CABIN1: variants seen among roughly 807,000 people sequenced by gnomAD.
CABIN1 encodes calcineurin-binding protein cabin-1.
CABIN1 carries 133 observed loss-of-function variants against 227.7 expected under a neutral mutation model. The ratio of observed to expected loss-of-function variants is 0.58; its 90% CI spans 0.51 to 0.67. The LOEUF (loss-of-function observed/expected upper bound fraction) is 0.67, where lower values mean the gene tolerates loss of function less well. Ranked by LOEUF, CABIN1 falls within the 30% of genes least tolerant of loss-of-function variation. The pLI is 0.00. For synonymous variants in CABIN1, 1,086 were observed against 1,155.1 expected (o/e 0.94, Z 1.21); for missense variants, 2,408 against 2,852.5 (o/e 0.84, Z 3.55).
In CABIN1 at chr22:24,177,019, C is replaced by G. The variant is rs771864601; in HGVS notation, c.6206-485C>G. ...CTGCAACTGGCCCAGCCTTCAGGCTCTGGGCAAACTCAGCCCCTTGCTCCC... is the reference window on the plus strand; with the variant it reads ...CTGCAACTGGCCCAGCCTTCAGGCTGTGGGCAAACTCAGCCCCTTGCTCCC... On this transcript the variant is annotated intron_variant, in intron 35 of 36. Coordinates refer to ENST00000263119, the MANE Select transcript of CABIN1 (RefSeq NM_012295.4). The surrounding 1 kb of genome is among the most constrained non-coding windows in gnomAD (Gnocchi z 4.4). Among the ~76,000 whole-genome samples the G allele has an allele frequency of 1.4e-4, 21 of 152,246 alleles. No homozygotes were observed. Among genetic ancestry groups the G allele is most frequent in the Admixed American group, 3.3e-4 (5 of 15,286 alleles).
intron 19 of CABIN1, among the ~76,000 whole-genome samples, chr22:24,081,920 G>A (rs2147007464): frequency 6.6e-6 from 1 of 152,142 alleles, no homozygotes; most frequent in South Asian, 2.1e-4. Flanking sequence ...CTAGCTACTT[G>A]GGAGGCTGAG....
At chr22:24,039,593 G>A (rs1173447944) in intron 4 of CABIN1, among the ~76,000 whole-genome samples, 1 of 152,164 alleles carries the variant, frequency 6.6e-6, no homozygotes, top group Non-Finnish European at 1.5e-5. Context: ...GGGCATGTTG[G>A]TCTTCCCTCT....
chr22:24,127,044 A>G (rs1022807248), intron 28 of CABIN1, among the ~76,000 whole-genome samples: 10 of 151,916 alleles, frequency 6.6e-5, no homozygotes, highest in Admixed American at 6.6e-5. Context: ...AAACTGTCGC[A>G]AGGTTGTGGA....
chr22:24,071,103 G>A, intron 17 of CABIN1, 61 bp downstream of exon 17: 4 of 1,608,576 alleles, frequency 2.5e-6, no homozygotes, highest in Non-Finnish European at 3.4e-6. Flanking sequence ...GTGACATCCT[G>A]CTTCTTCAGT....
In CABIN1 at chr22:24,085,893, A is replaced by G. The variant is rs1323159332; in HGVS notation, c.3263+742A>G. 6.6e-5 allele frequency among the ~76,000 whole-genome samples: 10 copies of G among 152,306 alleles called. No homozygotes were observed. In the East Asian group the frequency reaches 1.9e-3, roughly 29 times the overall value. On this transcript the variant is annotated intron_variant, in intron 22 of 36. Coordinates refer to ENST00000263119, the MANE Select transcript of CABIN1 (RefSeq NM_012295.4). ...AGGGTTCAGAGTAGCATCTGTAGGC[A>G]CACTTTCTGGAAGGACTCAGAGGCC... is the stretch of plus-strand genomic sequence containing the variant.
intron 28 of CABIN1, 92 bp from the exon 29 acceptor site, chr22:24,134,210 A>G (rs1029762551): frequency 2.0e-5 from 17 of 837,888 alleles, no homozygotes; most frequent in Non-Finnish European, 3.2e-5. Flanking sequence ...GTGGTTTGCC[A>G]TGCAGCCAGG....
At chr22:24,175,869 C>G (rs1263603537) in intron 34 of CABIN1, 1 of 610,724 alleles carries the variant, frequency 1.6e-6, no homozygotes, top group East Asian at 2.8e-5. Flanking sequence ...GTGTATAGCC[C>G]TCTCGGGAGG....
chr22:24,098,022 C>T lies in CABIN1; in HGVS notation c.3947C>T (p.Ala1316Val). 6.2e-7 allele frequency: 1 copy of T among 1,614,196 alleles called. No homozygotes were observed. The highest frequency in any genetic ancestry group is 8.5e-7 in the Non-Finnish European group (1 of 1,180,026). The change falls in exon 26 of 37, where the codon GCC becomes GTC. Residue 1316 changes from alanine (A) to valine (V), a missense_variant. Around this residue, in one of 3 missense-constraint regions of CABIN1, gnomAD observed 649 missense variants for 910.3 expected, o/e 0.71. Transcript: ENST00000263119. The stretch of plus-strand genomic sequence containing the variant: ...AACCTCTGTTCCCACAGGGAGAAGG[C>T]CTGCCTGGTGGACGAGGACTCCCAC... Reference protein sequence around the residue: ...NTPKASEKEKACLVDEDSHSS... With the variant: ...NTPKASEKEKVCLVDEDSHSS...
chr22:24,165,604 A>G lies in CABIN1; in HGVS notation c.4985A>G (p.Asp1662Gly). The G allele has an allele frequency of 6.2e-7, 1 of 1,613,022 alleles. No individual in the cohort carries two copies. The highest frequency in any genetic ancestry group is 8.5e-7 in the Non-Finnish European group (1 of 1,179,938). Reference sequence around the variant, plus strand: ...ATCCTCACTGTGAAGGTGCTCGAAGACACGCTGAGCGAGCTCGCAGAGGTA... The same window carrying G: ...ATCCTCACTGTGAAGGTGCTCGAAGGCACGCTGAGCGAGCTCGCAGAGGTA... ...AFILTVKVLE[D>G]TLSELAEGSE... Residue 1662 changes from aspartate to glycine, a missense_variant, in exon 31 of 37, where the codon GAC becomes GGC. Asp to Gly is a moderately conservative substitution (Grantham distance 94). This residue lies in a region of CABIN1 where 714 missense variants were observed against 773.8 expected (regional missense o/e 0.92). Coordinates refer to ENST00000263119, the MANE Select transcript of CABIN1 (RefSeq NM_012295.4).
intron 20 of CABIN1, 38 bp from the exon 21 acceptor site, chr22:24,084,541 G>C (rs769188678): frequency 6.6e-7 from 1 of 1,520,018 alleles, no homozygotes; most frequent in Non-Finnish European, 9.1e-7. Context: ...CATTTACCCT[G>C]AATGTGTTAC....
chr22:24,093,523 AC>A (rs1383024916), intron 24 of CABIN1, among the ~76,000 whole-genome samples: 1 of 151,472 alleles, frequency 6.6e-6, no homozygotes, highest in Non-Finnish European at 1.5e-5. Context: ...AGCCTGGGTG[AC>A]AGAGTGAGAC....
chr22:24,065,786 G>A (rs537982813), intron 15 of CABIN1, among the ~76,000 whole-genome samples: 23 of 152,384 alleles, frequency 1.5e-4, no homozygotes, highest in Middle Eastern at 3.4e-3. Flanking sequence ...CGGATCACTC[G>A]CGATTAGGAG....
chr22:24,118,511 A>G (rs529387055), intron 27 of CABIN1, among the ~76,000 whole-genome samples: 70 of 152,170 alleles, frequency 4.6e-4, no homozygotes, highest in African/African-American at 1.6e-3. Context: ...ACCACCTCAG[A>G]GCTGGTGCTG....
chr22:24,168,272 T>TG (rs2046572948), intron 32 of CABIN1, among the ~76,000 whole-genome samples, 175 bp from the exon 33 acceptor site: 1 of 152,172 alleles, frequency 6.6e-6, no homozygotes, highest in Non-Finnish European at 1.5e-5. Context: ...GGGGTCTAGA[T>TG]GCGGACAGCA....
In CABIN1 at chr22:24,176,160, G is replaced by T; in HGVS notation, c.6090G>T (p.Gln2030His). 6.2e-7 allele frequency: 1 copy of T among 1,611,196 alleles called. No individual in the cohort carries two copies. Among genetic ancestry groups the T allele is most frequent in the Non-Finnish European group, 8.5e-7 (1 of 1,179,354 alleles). Residue 2030 changes from glutamine (Q) to histidine (H), a missense_variant, in exon 35 of 37, where the codon CAG becomes CAT. Around this residue, in one of 3 missense-constraint regions of CABIN1, gnomAD observed 714 missense variants for 773.8 expected, o/e 0.92. Coordinates refer to ENST00000263119, the MANE Select transcript of CABIN1 (RefSeq NM_012295.4). ...CAGAGGGCACCAGCTTCCCGCCTCA[G>T]GAGCCACGGCACAGTCCGCAGGTGA... ...RVAEGTSFPP[Q>H]EPRHSPQVKM...
chr22:24,019,547 G>GC (rs1189610919), intron 1 of CABIN1, among the ~76,000 whole-genome samples: 2 of 151,722 alleles, frequency 1.3e-5, no homozygotes, highest in Non-Finnish European at 2.9e-5. Flanking sequence ...GAGCCACCAT[G>GC]CCCCGCCTGC....
At chr22:24,063,238 G>C (rs2039329959) in intron 14 of CABIN1, 92 bp downstream of exon 14, 1 of 410,266 alleles carries the variant, frequency 2.4e-6, no homozygotes, top group South Asian at 4.3e-5. Context: ...GTGTGTGTAT[G>C]TGTGTGTGTG....
At chr22:24,033,502 A>G (rs1015888840) in intron 1 of CABIN1, among the ~76,000 whole-genome samples, 6 of 152,138 alleles carry the variant, frequency 3.9e-5, no homozygotes, top group Admixed American at 1.3e-4. Context: ...CACATGTTCA[A>G]TCTGTCTGTT....
chr22:24,093,441 G>A (rs951406945), intron 24 of CABIN1, among the ~76,000 whole-genome samples: 1 of 152,136 alleles, frequency 6.6e-6, no homozygotes, highest in African/African-American at 2.4e-5. Context: ...TACTTGGGAG[G>A]CTGAGATGGG....
Sources: allele counts gnomAD v4.1 joint callset (sites outside exome capture counted in the v4.1 genomes callset), GRCh38; gene constraint gnomAD v4.1.1; regional missense constraint gnomAD v4.1.1; non-coding constraint Gnocchi (gnomAD v3.1); transcripts MANE v1.5; gene names NCBI Gene and HGNC (gene_info 2026-07-23, HGNC 2026-07-21).